The following SLC35F1 variants were observed in gnomAD, a reference collection of about 807,000 sequenced individuals.
SLC35F1 encodes the protein solute carrier family 35 member F1, also known as chromosome 6 open reading frame 169.
A neutral mutation model predicts 48.7 loss-of-function variants in SLC35F1; 14 were observed. The observed-to-expected ratio is 0.29, with a 90% CI of 0.19 to 0.45. The LOEUF is 0.45. SLC35F1 is among the 20% of genes least tolerant of loss of function. The probability of loss-of-function intolerance (pLI) is 1.00; values close to 1 mark genes in which losing one functional copy is unlikely to be tolerated. For missense variants in SLC35F1, 404 were observed against 500.0 expected (o/e 0.81, Z 1.83); for synonymous variants, 190 against 202.2 (o/e 0.94, Z 0.51).
rs146842057 is a variant in SLC35F1 at position 118,076,859 on chromosome 6, A to G, written c.174-77586A>G. On this transcript the variant is annotated intron_variant, in intron 1 of 7. Coordinates refer to ENST00000360388, the MANE Select transcript of SLC35F1 (RefSeq NM_001029858.4). ...TTTCACCCCTGTTAACACTGTAATT[A>G]TTGTAGGCTTAGACGCTTTACCATA... is the stretch of plus-strand genomic sequence containing the variant. 1.6e-4 allele frequency among the ~76,000 whole-genome samples: 25 copies of G among 152,076 alleles called. No individual in the cohort carries two copies. In the East Asian group the frequency reaches 4.6e-3, roughly 28 times the overall value.
intron 1 of SLC35F1, among the ~76,000 whole-genome samples, chr6:118,055,536 C>T (rs764688039): frequency 1.3e-5 from 2 of 152,124 alleles, no homozygotes; most frequent in Admixed American, 6.5e-5. Context: ...ATTTAGCAAT[C>T]ACAGCATAAG....
At chr6:118,070,061 G>A (rs9385030) in intron 1 of SLC35F1, among the ~76,000 whole-genome samples, 97,471 of 147,948 alleles carry the variant, frequency 0.66, 32,266 homozygotes, top group African/African-American at 0.7. Context: ...GCGTGAACCC[G>A]GGAAGCGGAG....
intron 3 of SLC35F1, among the ~76,000 whole-genome samples, chr6:118,237,494 T>G (rs1023611013): frequency 1.3e-5 from 2 of 152,120 alleles, no homozygotes; most frequent in Non-Finnish European, 2.9e-5. Context: ...GCTAAAGCGA[T>G]CCTCTGGCCT....
intron 1 of SLC35F1, among the ~76,000 whole-genome samples, chr6:118,016,426 A>G (rs1777323041): frequency 6.6e-6 from 1 of 152,240 alleles, no homozygotes; most frequent in Non-Finnish European, 1.5e-5. Flanking sequence ...GCTAACTTAA[A>G]GAAAGGCCAA....
chr6:118,073,025 G>A (rs1292933201), intron 1 of SLC35F1, among the ~76,000 whole-genome samples: 5 of 152,054 alleles, frequency 3.3e-5, no homozygotes, highest in South Asian at 2.1e-4. Context: ...TTTCTGTTCT[G>A]GAAATTTGTT....
chr6:118,312,502 G>A (rs1776382823), intron 7 of SLC35F1, among the ~76,000 whole-genome samples: 1 of 152,178 alleles, frequency 6.6e-6, no homozygotes, highest in Non-Finnish European at 1.5e-5. Context: ...TTAATTAAGT[G>A]AAGCTGTTAC....
At chr6:118,062,276 A>G (rs1772552151) in intron 1 of SLC35F1, among the ~76,000 whole-genome samples, 1 of 152,204 alleles carries the variant, frequency 6.6e-6, no homozygotes, top group Admixed American at 6.5e-5. Flanking sequence ...CTGAGGTCAC[A>G]TATTTTCAAA....
At chr6:117,953,617 AGTT>A (rs1206729341) in intron 1 of SLC35F1, among the ~76,000 whole-genome samples, 3 of 152,166 alleles carry the variant, frequency 2.0e-5, no homozygotes, top group Admixed American at 2.0e-4. Flanking sequence ...CCAGTGTAAA[AGTT>A]GTTGTTTCCC....
chr6:118,001,262 A>C (rs575089008), intron 1 of SLC35F1, among the ~76,000 whole-genome samples: 1 of 152,306 alleles, frequency 6.6e-6, no homozygotes, highest in East Asian at 1.9e-4. Flanking sequence ...ATATAGATCA[A>C]TGGAACAGAG....
At chr6:118,136,901 G>A (rs766736655) in intron 1 of SLC35F1, among the ~76,000 whole-genome samples, 22 of 152,118 alleles carry the variant, frequency 1.4e-4, no homozygotes, top group Admixed American at 4.6e-4. Context: ...TCTTCAAAGG[G>A]CCTCATTTCT....
At chr6:117,912,883 G>C (rs73517506) in intron 1 of SLC35F1, among the ~76,000 whole-genome samples, 3,488 of 152,194 alleles carry the variant, frequency 0.023, 135 homozygotes, top group African/African-American at 0.08. Context: ...ACTTGTCTTT[G>C]TGTGATTTTC....
chr6:117,949,892 T>C (rs1400725328), intron 1 of SLC35F1, among the ~76,000 whole-genome samples: 1 of 152,134 alleles, frequency 6.6e-6, no homozygotes, highest in Non-Finnish European at 1.5e-5. Flanking sequence ...CACTTGATAA[T>C]GTATCCTCTC....
intron 1 of SLC35F1, among the ~76,000 whole-genome samples, chr6:118,131,980 C>T (rs929077180): frequency 2.0e-5 from 3 of 152,056 alleles, no homozygotes; most frequent in African/African-American, 7.2e-5. Flanking sequence ...CCTGTAAACT[C>T]CCCAAGTGTC....
intron 1 of SLC35F1, among the ~76,000 whole-genome samples, chr6:117,988,116 C>G (rs1776870876): frequency 6.6e-6 from 1 of 152,108 alleles, no homozygotes. Context: ...CTCCACAAAG[C>G]CAGGGATTGT....
chr6:118,306,937 G>C (rs1488220466), intron 7 of SLC35F1, among the ~76,000 whole-genome samples: 1 of 152,182 alleles, frequency 6.6e-6, no homozygotes, highest in African/African-American at 2.4e-5. Context: ...CCTTAGATGT[G>C]ATTGGCTGCA....
intron 2 of SLC35F1, among the ~76,000 whole-genome samples, chr6:118,193,931 A>T (rs1262121979): frequency 6.6e-6 from 1 of 152,218 alleles, no homozygotes; most frequent in Non-Finnish European, 1.5e-5. Flanking sequence ...AATTATCTTT[A>T]AAACTTTTTA....
intron 1 of SLC35F1, among the ~76,000 whole-genome samples, chr6:118,074,636 A>G (rs367769094): frequency 1.3e-5 from 2 of 152,308 alleles, no homozygotes. Context: ...TTATCCAGTT[A>G]CTTTAAGACA....
chr6:118,036,394 G>A (rs1041493131), intron 1 of SLC35F1, among the ~76,000 whole-genome samples: 4 of 152,040 alleles, frequency 2.6e-5, no homozygotes, highest in Non-Finnish European at 4.4e-5. Flanking sequence ...TGTAGATTTT[G>A]ATCCTTTTAA....
chr6:117,922,304 CATAA>C (rs1775910023), intron 1 of SLC35F1, among the ~76,000 whole-genome samples: 1 of 152,120 alleles, frequency 6.6e-6, no homozygotes, highest in African/African-American at 2.4e-5. Context: ...TATTCTCATT[CATAA>C]ATACTTTCCT....
Sources: gnomAD v4.1 joint callset for allele counts (sites outside exome capture counted in the v4.1 genomes callset) on GRCh38, gnomAD v4.1.1 for gene constraint, MANE v1.5 for transcripts, NCBI Gene and HGNC (gene_info 2026-07-23, HGNC 2026-07-21) for gene names.